RPTOR: variants seen among roughly 807,000 people sequenced by gnomAD.
RPTOR encodes regulatory associated protein of MTOR complex 1.
A neutral mutation model predicts 169.9 loss-of-function variants in RPTOR; 21 were observed. The observed-to-expected ratio is 0.12, with a 90% CI of 0.09 to 0.18. The LOEUF is 0.18. Among genes scored for constraint, RPTOR ranks in the 10% least tolerant of loss-of-function variants. RPTOR has a pLI of 1.00. For synonymous variants in RPTOR, 732 were observed against 753.2 expected (o/e 0.97, Z 0.46); for missense variants, 1,133 against 1,855.9 (o/e 0.61, Z 7.16).
chr17:80,912,460 A>G (rs1487604497), intron 21 of RPTOR, among the ~76,000 whole-genome samples: 1 of 152,200 alleles, frequency 6.6e-6, no homozygotes, highest in African/African-American at 2.4e-5. Flanking sequence ...ACCTTACTGA[A>G]AAATTAGCCT....
chr17:80,790,327 C>A (rs962912047), intron 6 of RPTOR, among the ~76,000 whole-genome samples: 1 of 152,234 alleles, frequency 6.6e-6, no homozygotes, highest in African/African-American at 2.4e-5. Context: ...TCTCTGCTGG[C>A]TGAGCCAGGT....
Position 80,662,144 on chromosome 17 carries a change from C to G in RPTOR, c.348+18334C>G, listed in dbSNP as rs35929483. Among the ~76,000 whole-genome samples the G allele has an allele frequency of 2.0e-5, 3 of 152,030 alleles. No homozygotes were observed. The South Asian group carries it at 6.2e-4, about 31-fold the overall frequency. ...TCCTCCTGCTTAATCACACTCAAAG[C>G]AAGATGGAGATCATTTCCACTCCCC... On this transcript the variant is annotated intron_variant, in intron 3 of 33. Coordinates refer to ENST00000306801, the MANE Select transcript of RPTOR (RefSeq NM_020761.3).
chr17:80,566,971 G>A (rs2064850252), intron 1 of RPTOR, among the ~76,000 whole-genome samples: 1 of 151,058 alleles, frequency 6.6e-6, no homozygotes, highest in Non-Finnish European at 1.5e-5. Context: ...CTTATTAGCT[G>A]TACCTCTTTT....
Position 80,830,154 on chromosome 17 carries a change from A to C in RPTOR, c.1136+6931A>C, listed in dbSNP as rs576376503. On this transcript the variant is annotated intron_variant, in intron 9 of 33. Transcript: ENST00000306801. ...AGCAGGTCCCACGCTATAGGTGTAC[A>C]CAGATTCTCCCCGCTGGCTTCTCTG... 1.1e-3 allele frequency among the ~76,000 whole-genome samples: 175 copies of C among 152,290 alleles called. No individual in the cohort carries two copies. The Middle Eastern group carries it at 0.014, about 12-fold the overall frequency.
chr17:80,686,811 G>A (rs1246370382), intron 3 of RPTOR, among the ~76,000 whole-genome samples: 1 of 152,186 alleles, frequency 6.6e-6, no homozygotes, highest in Non-Finnish European at 1.5e-5. Context: ...CTGAGCACCT[G>A]CGCTTCAGAG....
In RPTOR at chr17:80,796,662, G is replaced by A. The variant is rs190243244; in HGVS notation, c.890+5153G>A. Among the ~76,000 whole-genome samples, 201 of 152,272 alleles carry A rather than the reference G, an allele frequency of 1.3e-3. 1 individual carries two copies. Among genetic ancestry groups the A allele is most frequent in the African/African-American group, 4.5e-3 (187 of 41,552 alleles). ...CACAGAGCCAAACCATATCACAGTCGCTGTAGCCACCTCAGTCTTTATTGA... is the reference window on the plus strand; with the variant it reads ...CACAGAGCCAAACCATATCACAGTCACTGTAGCCACCTCAGTCTTTATTGA... On this transcript the variant is annotated intron_variant, in intron 7 of 33. Coordinates refer to ENST00000306801, the MANE Select transcript of RPTOR (RefSeq NM_020761.3).
In RPTOR at chr17:80,717,228, T is replaced by C. The variant is rs919404314; in HGVS notation, c.507+9229T>C. ...TGACTCTTTAGTCCTCCTGGTGTGG[T>C]CTGTTTTTCTCCACAGCTTTTTCCC... On this transcript the variant is annotated intron_variant, in intron 4 of 33. Transcript: ENST00000306801. Among the ~76,000 whole-genome samples the C allele has an allele frequency of 7.2e-5, 11 of 152,294 alleles. 1 individual carries two copies. Among genetic ancestry groups the C allele is most frequent in the Admixed American group, 6.5e-4 (10 of 15,308 alleles).
At chr17:80,961,245 G>A (rs889969449) in intron 30 of RPTOR, 149 bp from the exon 31 acceptor site, 78 of 670,290 alleles carry the variant, frequency 1.2e-4, no homozygotes, top group East Asian at 8.7e-4. Context: ...CTGACCCTGC[G>A]TGAGCACTAG....
At chr17:80,825,141 A>G (rs12945057) in intron 9 of RPTOR, among the ~76,000 whole-genome samples, 26 of 107,242 alleles carry the variant, frequency 2.4e-4, no homozygotes, top group Admixed American at 4.8e-4. Flanking sequence ...TCTAGAGGCC[A>G]CGTGGCGAGG....
intron 3 of RPTOR, among the ~76,000 whole-genome samples, chr17:80,681,316 A>T (rs1279624368): frequency 6.6e-6 from 1 of 152,200 alleles, no homozygotes; most frequent in African/African-American, 2.4e-5. Context: ...TGAGTTGTGG[A>T]AACACTGGTG....
At chr17:80,572,438 T>G (rs2064917275) in intron 1 of RPTOR, among the ~76,000 whole-genome samples, 1 of 152,226 alleles carries the variant, frequency 6.6e-6, no homozygotes, top group Non-Finnish European at 1.5e-5. Flanking sequence ...TTCAAGTCTT[T>G]TGCCCAGTTT....
chr17:80,953,767 A>G (rs546996860), intron 28 of RPTOR, among the ~76,000 whole-genome samples: 3 of 152,334 alleles, frequency 2.0e-5, no homozygotes, highest in Non-Finnish European at 4.4e-5. Flanking sequence ...TGTTGGCTGC[A>G]CAGCTGCAGC....
chr17:80,635,896 G>A (rs887602087), intron 2 of RPTOR, among the ~76,000 whole-genome samples: 2 of 152,090 alleles, frequency 1.3e-5, no homozygotes, highest in Admixed American at 1.3e-4. Context: ...TCAGTGATGG[G>A]TTTGCTCTGC....
intron 9 of RPTOR, among the ~76,000 whole-genome samples, chr17:80,825,041 C>T (rs1248906876): frequency 2.7e-5 from 4 of 148,330 alleles, no homozygotes; most frequent in Admixed American, 6.7e-5. Flanking sequence ...GGCCGCGTGG[C>T]GAGGCCAGTA....
intron 20 of RPTOR, among the ~76,000 whole-genome samples, chr17:80,908,256 G>A (rs561674062): frequency 9.2e-5 from 14 of 152,280 alleles, no homozygotes; most frequent in East Asian, 5.8e-4. Context: ...TGGGTGAGTC[G>A]GGAGAGGCTT....
chr17:80,559,421 C>G (rs2084451662), intron 1 of RPTOR, among the ~76,000 whole-genome samples: 1 of 152,186 alleles, frequency 6.6e-6, no homozygotes. Flanking sequence ...CCAGAGGGCC[C>G]AAGCTCACTC....
At chr17:80,893,316 G>A (rs1322612796) in intron 19 of RPTOR, among the ~76,000 whole-genome samples, 1 of 143,988 alleles carries the variant, frequency 6.9e-6, no homozygotes, top group Non-Finnish European at 1.5e-5. Flanking sequence ...TGTGCGCCAG[G>A]TGTGTGCGCG....
intron 1 of RPTOR, among the ~76,000 whole-genome samples, chr17:80,613,720 G>A (rs1233758600): frequency 6.6e-6 from 1 of 150,578 alleles, no homozygotes; most frequent in African/African-American, 2.5e-5. Flanking sequence ...TGTTGGACTC[G>A]GGCTGGGCCG....
chr17:80,603,704 C>T (rs939264338), intron 1 of RPTOR, among the ~76,000 whole-genome samples: 11 of 152,144 alleles, frequency 7.2e-5, no homozygotes, highest in African/African-American at 1.2e-4. Context: ...GAAAGCCCCG[C>T]CCCCATGGAG....
Sources: allele counts gnomAD v4.1 joint callset (sites outside exome capture counted in the v4.1 genomes callset), GRCh38; gene constraint gnomAD v4.1.1; transcripts MANE v1.5; gene names NCBI Gene and HGNC (gene_info 2026-07-23, HGNC 2026-07-21).